The following DRP2 variants were observed in gnomAD, a reference collection of about 807,000 sequenced individuals.
DRP2 encodes dystrophin-related protein 2.
Under a neutral mutation model 78.2 loss-of-function variants are expected in DRP2, and 29 were observed. The observed-to-expected ratio is 0.37, with a 90% CI of 0.28 to 0.51. The LOEUF (loss-of-function observed/expected upper bound fraction) is 0.51. Among genes scored for constraint, DRP2 ranks in the 20% least tolerant of loss-of-function variants. The probability of loss-of-function intolerance (pLI) is 0.94; values close to 1 mark genes in which losing one functional copy is unlikely to be tolerated. For synonymous variants in DRP2, 290 were observed against 281.9 expected, an observed-to-expected ratio of 1.03 and a Z score of -0.29; for missense variants, 686 against 770.6, an observed-to-expected ratio of 0.89 and a Z score of 1.30.
intron 2 of DRP2, among the ~76,000 whole-genome samples, chrX:101,226,132 G>T (rs1233167426): frequency 9.0e-6 from 1 of 111,401 alleles, no homozygotes. Flanking sequence ...TTTACTTAAG[G>T]TATATCATAA....
chrX:101,257,960 TCAG>T (rs1470987366), intron 21 of DRP2, among the ~76,000 whole-genome samples: 40 of 110,505 alleles, frequency 3.6e-4, no homozygotes, highest in African/African-American at 1.2e-3. Flanking sequence ...AGTAGGTGAG[TCAG>T]TGGCCCTAAT....
Position 101,237,700 on chromosome X carries a change from G to A in DRP2, c.363G>A (p.Lys121=), listed in dbSNP as rs778075385. 8.5e-7 allele frequency: 1 copy of A among 1,180,821 alleles called. No homozygotes were observed. Among genetic ancestry groups the A allele is most frequent in the East Asian group, 3.0e-5 (1 of 33,145 alleles). The change falls in exon 5 of 24, where the codon AAG becomes AAA. Residue 121 remains lysine, a synonymous_variant. Coordinates refer to ENST00000395209, the MANE Select transcript of DRP2 (RefSeq NM_001939.3). ...LQEIIDWLSQ[K]DEELSAQLPL... ...AGATTATTGACTGGCTCAGCCAAAA[G>A]GATGAGGAGTTGTCAGCTCAGCTGC...
At chrX:101,229,298 T>G (rs1030991890) in intron 2 of DRP2, among the ~76,000 whole-genome samples, 1 of 111,952 alleles carries the variant, frequency 8.9e-6, no homozygotes. Flanking sequence ...GACTAATGCT[T>G]TTGTGGTGTC....
At position 101,253,500 on chromosome X, in the gene DRP2, C is replaced by CT. The variant is rs67849810; in HGVS notation, c.1977+796dup. 4.4e-3 allele frequency among the ~76,000 whole-genome samples: 327 copies of CT among 74,883 alleles called. 6 individuals carry two copies. Among genetic ancestry groups the CT allele is most frequent in the African/African-American group, 0.014 (293 of 20,443 alleles). The allele number at this position is 74,883 out of a possible 115,157, so 65.0% of individuals were successfully genotyped here. ...TCTCTCCCCTATTCTGTCTATTTTT[C>CT]TTTTTTTTTTTTAGAATTTTTTTTT... On this transcript the variant is annotated intron_variant, in intron 17 of 23. Coordinates refer to ENST00000395209, the MANE Select transcript of DRP2 (RefSeq NM_001939.3).
At chrX:101,245,516 C>A in intron 11 of DRP2, 67 bp downstream of exon 11, 1 of 898,899 alleles carries the variant, frequency 1.1e-6, no homozygotes, top group Non-Finnish European at 1.6e-6. Context: ...TAATGTCCAT[C>A]TACAGATGAA....
chrX:101,241,978 C>A (rs1401569175), intron 7 of DRP2, 42 bp downstream of exon 7: 1 of 1,132,007 alleles, frequency 8.8e-7, no homozygotes, highest in Admixed American at 2.7e-5. Context: ...ACCCTGAGAC[C>A]TGACACTCTC....
intron 14 of DRP2, among the ~76,000 whole-genome samples, chrX:101,249,048 T>G (rs892522844): frequency 8.9e-6 from 1 of 112,156 alleles, no homozygotes; most frequent in Non-Finnish European, 1.9e-5. Flanking sequence ...TTCTGTAGTT[T>G]TTCACATCTT....
At chrX:101,236,560 ATT>A (rs1220536902) in intron 4 of DRP2, among the ~76,000 whole-genome samples, 1 of 111,465 alleles carries the variant, frequency 9.0e-6, no homozygotes, top group Non-Finnish European at 1.9e-5. Context: ...CCTGAAGTCA[ATT>A]TTTTTCTCAG....
At chrX:101,221,068 G>A (rs1273108093) in intron 1 of DRP2, among the ~76,000 whole-genome samples, 1 of 111,769 alleles carries the variant, frequency 8.9e-6, no homozygotes, top group African/African-American at 3.3e-5. Context: ...ACAGGTGTTG[G>A]GTCTAAGCAG....
chrX:101,262,383 A>C lies in DRP2; in HGVS notation c.*1762A>C, dbSNP rs1445864907. 1 of 111,821 alleles carries C rather than the reference A, an allele frequency of 8.9e-6. No individual in the cohort carries two copies. The highest frequency in any genetic ancestry group is 9.5e-5 in the Admixed American group (1 of 10,496). The allele number at this position is 111,821 out of a possible 1,213,427, so 9.2% of individuals were successfully genotyped here. A position where few individuals can be genotyped will look rare whatever the true frequency, so the allele number is the denominator to read the frequency against. On this transcript the variant is annotated 3_prime_UTR_variant, in exon 24 of 24. Coordinates refer to ENST00000395209, the MANE Select transcript of DRP2 (RefSeq NM_001939.3). ...TGCCCACCCCATGCAGAAAAGGACA[A>C]ACAGGCCTTTATTAGCCTTTGCCAG...
In DRP2 at chrX:101,255,399, C is replaced by G. The variant is rs144388102; in HGVS notation, c.2246+150C>G. ...AGGAAGGAAGGCTGCTTTCTGGGCA[C>G]GGTGTTCAGTAAGAAAGGCAGTCTT... is the stretch of plus-strand genomic sequence containing the variant. On this transcript the variant is annotated intron_variant, in intron 20 of 23. Coordinates refer to ENST00000395209, the MANE Select transcript of DRP2 (RefSeq NM_001939.3). 5.6e-6 allele frequency: 3 copies of G among 533,370 alleles called. No individual in the cohort carries two copies. In the South Asian group the frequency reaches 9.3e-5, roughly 17 times the overall value. 44.0% of individuals were successfully genotyped at this position (533,370 alleles called of 1,213,427 possible).
intron 21 of DRP2, among the ~76,000 whole-genome samples, chrX:101,257,564 T>C (rs377090931): frequency 3.2e-4 from 35 of 109,981 alleles, no homozygotes; most frequent in African/African-American, 1.2e-3. Flanking sequence ...TGAGTGTTGT[T>C]GAACTTGTGT....
At chrX:101,236,965 C>T (rs1319913294) in intron 4 of DRP2, among the ~76,000 whole-genome samples, 1 of 111,512 alleles carries the variant, frequency 9.0e-6, no homozygotes, top group Non-Finnish European at 1.9e-5. Flanking sequence ...TGGCCAGCCT[C>T]CAGCTTCCTA....
rs199759702 is a variant in DRP2 at position 101,231,629 on chromosome X, C to G, written c.-19C>G. 1.6e-5 allele frequency: 19 copies of G among 1,172,478 alleles called. No individual in the cohort carries two copies. Among genetic ancestry groups the G allele is most frequent in the Admixed American group, 4.4e-5 (2 of 45,651 alleles). On this transcript the variant is annotated 5_prime_UTR_variant, in exon 3 of 24. Coordinates refer to ENST00000395209, the MANE Select transcript of DRP2 (RefSeq NM_001939.3). ...TGGTGCACTGCCTATCCTCATCCCC[C>G]CCATGAGCCTTGGTTTTTATGCAAC...
At chrX:101,224,191 G>GTTTTGTTTTGTTTTT (rs1922007763) in intron 1 of DRP2, among the ~76,000 whole-genome samples, 3 of 38,882 alleles carry the variant, frequency 7.7e-5, no homozygotes, top group African/African-American at 2.5e-4. Context: ...GGTTTTTTTT[G>GTTTTGTTTTGTTTTT]TTTTTTTTTT....
At chrX:101,222,909 C>G (rs1001676136) in intron 1 of DRP2, among the ~76,000 whole-genome samples, 9 of 112,276 alleles carry the variant, frequency 8.0e-5, no homozygotes, top group African/African-American at 2.9e-4. Context: ...TATACTTTTA[C>G]TACACATGTA....
intron 10 of DRP2, 52 bp downstream of exon 10, chrX:101,245,129 C>A: frequency 8.9e-7 from 1 of 1,119,588 alleles, no homozygotes; most frequent in South Asian, 1.9e-5. Flanking sequence ...CACCCCCTCC[C>A]TCTCCTGCCT....
chrX:101,241,705 C>T lies in DRP2; in HGVS notation c.597C>T (p.Arg199=). ...SPKQRIQNLS[R]FVWKQATVAS... ...AACAGCGGATCCAGAATCTCAGCCG[C>T]TTTGTATGGAAGCAGGCGACGGTGG... Residue 199 remains arginine, a synonymous_variant, in exon 7 of 24, where the codon CGC becomes CGT. Transcript: ENST00000395209. 3.3e-6 allele frequency: 4 copies of T among 1,211,839 alleles called. No homozygotes were observed. Among genetic ancestry groups the T allele is most frequent in the Non-Finnish European group, 4.5e-6 (4 of 895,543 alleles).
intron 3 of DRP2, among the ~76,000 whole-genome samples, chrX:101,235,162 G>A (rs1233756209): frequency 1.8e-5 from 2 of 111,839 alleles, no homozygotes; most frequent in Non-Finnish European, 3.8e-5. Context: ...GCAATAGACT[G>A]TGTGCCTGAG....
Sources: gnomAD v4.1 joint callset for allele counts (sites outside exome capture counted in the v4.1 genomes callset) on GRCh38, gnomAD v4.1.1 for gene constraint, MANE v1.5 for transcripts, NCBI Gene and HGNC (gene_info 2026-07-23, HGNC 2026-07-21) for gene names.